The following EIF2AK1 variants were observed in gnomAD, a reference collection of about 807,000 sequenced individuals.
EIF2AK1 encodes eukaryotic translation initiation factor 2 alpha kinase 1.
Under a neutral mutation model 77.9 loss-of-function variants are expected in EIF2AK1, and 54 were observed. The ratio of observed to expected loss-of-function variants is 0.69; its 90% confidence interval spans 0.56 to 0.87. The LOEUF (loss-of-function observed/expected upper bound fraction) is 0.87, where lower values mean the gene tolerates loss of function less well. Ranked by LOEUF, EIF2AK1 falls within the 40% of genes least tolerant of loss-of-function variation. The pLI is 0.00. For synonymous variants in EIF2AK1, 314 were observed against 290.5 expected, an observed-to-expected ratio of 1.08 and a Z score of -0.82; for missense variants, 810 against 768.6, an observed-to-expected ratio of 1.05 and a Z score of -0.64.
Position 6,024,753 on chromosome 7 carries a change from C to T in EIF2AK1, c.1813G>A (p.Ala605Thr), listed in dbSNP as rs767534035. 12 of 1,592,308 alleles carry T rather than the reference C, an allele frequency of 7.5e-6. No individual in the cohort carries two copies. The Admixed American group carries it at 9.3e-5, about 12-fold the overall frequency. ...AGGTTTAGCTGCTTCTTTAGTTCTGCAATTTCTTTTTCTTGCTCTATTATC... is the reference window on the plus strand; with the variant it reads ...AGGTTTAGCTGCTTCTTTAGTTCTGTAATTTCTTTTTCTTGCTCTATTATC... ...MKIIEQEKEIAELKKQLNLLS... is the reference protein window; with the variant it reads ...MKIIEQEKEITELKKQLNLLS... The change falls in exon 15 of 15, where the codon GCA becomes ACA. Residue 605 changes from alanine (A) to threonine (T), a missense_variant. Coordinates refer to ENST00000199389, the MANE Select transcript of EIF2AK1 (RefSeq NM_014413.4).
chr7:6,035,330 A>G lies in EIF2AK1; in HGVS notation c.1332+2094T>C. The G allele has an allele frequency of 9.7e-7, 1 of 1,030,570 alleles. No individual in the cohort carries two copies. Among genetic ancestry groups the G allele is most frequent in the Middle Eastern group, 2.5e-4 (1 of 4,018 alleles). 63.8% of individuals were successfully genotyped at this position (1,030,570 alleles called of 1,614,324 possible). On this transcript the variant is annotated intron_variant, in intron 11 of 14. Transcript: ENST00000199389. The surrounding 1 kb of genome is among the most constrained non-coding windows in gnomAD (Gnocchi z 5.5). Reference sequence around the variant, plus strand: ...ATACAGATTTTGAAACACGTCCTTAAGGTAATTGAAGGGTCTTACTTTAAA... The same window carrying G: ...ATACAGATTTTGAAACACGTCCTTAGGGTAATTGAAGGGTCTTACTTTAAA...
chr7:6,030,505 G>C (rs979719950), intron 11 of EIF2AK1, among the ~76,000 whole-genome samples: 3 of 151,986 alleles, frequency 2.0e-5, no homozygotes, highest in African/African-American at 7.2e-5. Flanking sequence ...CGAAAAAACT[G>C]ATTTTTTTCT....
In EIF2AK1 at chr7:6,032,466, A is replaced by G. The variant is rs1787942851; in HGVS notation, c.1333-3434T>C. 6.6e-6 allele frequency among the ~76,000 whole-genome samples: 1 copy of G among 152,238 alleles called. No homozygotes were observed. The highest frequency in any genetic ancestry group is 2.1e-4 in the South Asian group (1 of 4,834). On this transcript the variant is annotated intron_variant, in intron 11 of 14. Coordinates refer to ENST00000199389, the MANE Select transcript of EIF2AK1 (RefSeq NM_014413.4). The surrounding 1 kb of genome is among the most constrained non-coding windows in gnomAD (Gnocchi z 4.3). ...CTGATAATACGACTTTGGCAACGAC[A>G]CAGCACCTACTTGTCCATCACCCTG... is the stretch of plus-strand genomic sequence containing the variant.
chr7:6,054,578 G>C lies in EIF2AK1; in HGVS notation c.245C>G (p.Pro82Arg), dbSNP rs1254755936. Residue 82 changes from proline (P) to arginine (R), a missense_variant, in exon 2 of 15, where the codon CCA becomes CGA. Physicochemically the swap from Pro to Arg is moderately radical, Grantham distance 103 (BLOSUM62 -2). Coordinates refer to ENST00000199389, the MANE Select transcript of EIF2AK1 (RefSeq NM_014413.4). Reference protein sequence around the residue: ...LLEHLSHVHEPNPLRSRQVFK... With the variant: ...LLEHLSHVHERNPLRSRQVFK... ...CACCTGTCTTGAACGAAGTGGGTTT[G>C]GTTCATGCACGTGGCTCAAGTGCTC... The C allele has an allele frequency of 2.5e-6, 4 of 1,613,978 alleles. No individual in the cohort carries two copies. In the Admixed American group the frequency reaches 6.7e-5, roughly 27 times the overall value.
At chr7:6,047,186 C>T (rs952234910) in intron 4 of EIF2AK1, 95 bp from the exon 5 acceptor site, 2 of 1,222,060 alleles carry the variant, frequency 1.6e-6, no homozygotes, top group Non-Finnish European at 2.4e-6. Flanking sequence ...CCTCACAAAC[C>T]TCATGTATCA....
chr7:6,049,973 C>T lies in EIF2AK1; in HGVS notation c.350G>A (p.Arg117Lys). The change falls in exon 3 of 15, where the codon AGA becomes AAA. Residue 117 changes from arginine to lysine, a missense_variant. This residue lies in a region of EIF2AK1 where 246 missense variants were observed against 199.0 expected (regional missense o/e 1.24). Transcript: ENST00000199389. The part of the protein sequence containing the change: ...FTCSDEFSSL[R>K]LHHNRAITHL... ...AGTAATAGCTCTGTTGTGATGTAGT[C>T]TCAATGAGCTAAACTCGTCACTACA... is the stretch of plus-strand genomic sequence containing the variant. The T allele has an allele frequency of 6.2e-7, 1 of 1,613,018 alleles. No individual in the cohort carries two copies. The highest frequency in any genetic ancestry group is 2.2e-5 in the East Asian group (1 of 44,864).
chr7:6,045,190 CACTTT>C (rs1788411849), intron 6 of EIF2AK1, among the ~76,000 whole-genome samples: 1 of 151,540 alleles, frequency 6.6e-6, no homozygotes, highest in African/African-American at 2.4e-5. Context: ...TCACTGCAAT[CACTTT>C]GCTGGGTTCA....
rs1326980391 is a variant in EIF2AK1 at position 6,046,169 on chromosome 7, A to C, written c.550-18T>G. The C allele has an allele frequency of 2.9e-6, 4 of 1,399,308 alleles. No homozygotes were observed. In the South Asian group the frequency reaches 5.3e-5, roughly 18 times the overall value. The allele number at this position is 1,399,308 out of a possible 1,614,324, so 86.7% of individuals were successfully genotyped here. On this transcript the variant is annotated intron_variant, in intron 5 of 14. Coordinates refer to ENST00000199389, the MANE Select transcript of EIF2AK1 (RefSeq NM_014413.4). Reference sequence around the variant, plus strand: ...TTCCTGACCTGAAAAGTAGAAAAAAAGACAAAGTATATTGTGTCATTAAAC... The same window carrying C: ...TTCCTGACCTGAAAAGTAGAAAAAACGACAAAGTATATTGTGTCATTAAAC...
chr7:6,040,362 T>C (rs74302792), intron 9 of EIF2AK1, among the ~76,000 whole-genome samples: 2 of 152,074 alleles, frequency 1.3e-5, no homozygotes, highest in African/African-American at 4.8e-5. Flanking sequence ...CTAATGTTCA[T>C]GTTTTTAATA....
At chr7:6,026,658 C>G in intron 14 of EIF2AK1, 70 bp downstream of exon 14, 2 of 1,300,286 alleles carry the variant, frequency 1.5e-6, no homozygotes, top group Non-Finnish European at 2.2e-6. Flanking sequence ...ACCACCCAAC[C>G]GCTTCCTTCC....
In EIF2AK1 at chr7:6,035,503, C is replaced by T; in HGVS notation, c.1332+1921G>A. On this transcript the variant is annotated intron_variant, in intron 11 of 14. Coordinates refer to ENST00000199389, the MANE Select transcript of EIF2AK1 (RefSeq NM_014413.4). The surrounding 1 kb of genome is among the most constrained non-coding windows in gnomAD (Gnocchi z 5.5). ...CTACTGCACTGGCCAGTCACTTCCA[C>T]CACGTGGGCAAAACCAGGCAACAGA... 1.3e-6 allele frequency: 2 copies of T among 1,551,168 alleles called. No homozygotes were observed. Among genetic ancestry groups the T allele is most frequent in the Non-Finnish European group, 8.7e-7 (1 of 1,147,120 alleles).
rs56142633 is a variant in EIF2AK1, at chr7:6,027,319, C to A, written c.1531-358G>T. Among the ~76,000 whole-genome samples the A allele has an allele frequency of 1.8e-4, 28 of 152,312 alleles. No individual in the cohort carries two copies. Among genetic ancestry groups the A allele is most frequent in the Non-Finnish European group, 3.1e-4 (21 of 68,030 alleles). On this transcript the variant is annotated intron_variant, in intron 13 of 14. Coordinates refer to ENST00000199389, the MANE Select transcript of EIF2AK1 (RefSeq NM_014413.4). The surrounding 1 kb of genome is among the most constrained non-coding windows in gnomAD (Gnocchi z 4.5). ...CAGCTGCGGGGGAGCCACAGAAGGT[C>A]GCGGGTTCTCCTCCGGTCTCACCTC...
Position 6,041,009 on chromosome 7 carries a change from A to G in EIF2AK1, c.1002T>C (p.Ser334=). Residue 334 remains serine (S), a synonymous_variant, in exon 9 of 15, where the codon TCT becomes TCC. Coordinates refer to ENST00000199389, the MANE Select transcript of EIF2AK1 (RefSeq NM_014413.4). ...ELQENGLAGL[S]ASSIVEQQLP... The stretch of plus-strand genomic sequence containing the variant: ...GCTGCTGTTCCACAATTGAACTGGC[A>G]GACAAACCAGCCAAGCCATTTTCCT... 1 of 1,614,228 alleles carries G rather than the reference A, an allele frequency of 6.2e-7. No homozygotes were observed. The highest frequency in any genetic ancestry group is 8.5e-7 in the Non-Finnish European group (1 of 1,180,040).
Position 6,058,949 on chromosome 7 carries a change from G to A in EIF2AK1, c.118+17C>T. On this transcript the variant is annotated intron_variant, in intron 1 of 14. Coordinates refer to ENST00000199389, the MANE Select transcript of EIF2AK1 (RefSeq NM_014413.4). The stretch of plus-strand genomic sequence containing the variant: ...ACAGAGAGAGCAGAGCGGCGACGCC[G>A]CGATCCGATCCCTCACCGTCATATT... The A allele has an allele frequency of 6.6e-7, 1 of 1,510,402 alleles. No individual in the cohort carries two copies. Among genetic ancestry groups the A allele is most frequent in the African/African-American group, 1.4e-5 (1 of 69,198 alleles). 93.6% of individuals were successfully genotyped at this position (1,510,402 alleles called of 1,614,324 possible). A position where few individuals can be genotyped will look rare whatever the true frequency, so the allele number is the denominator to read the frequency against.
At chr7:6,054,476 T>C in intron 2 of EIF2AK1, 70 bp downstream of exon 2, 1 of 1,565,192 alleles carries the variant, frequency 6.4e-7, no homozygotes, top group African/African-American at 1.4e-5. Context: ...AGTGCTGGGA[T>C]TACAGGCATG....
chr7:6,028,848 T>C, intron 12 of EIF2AK1, 70 bp downstream of exon 12: 1 of 1,475,816 alleles, frequency 6.8e-7, no homozygotes, highest in Non-Finnish European at 9.4e-7. Flanking sequence ...TATGATTCTC[T>C]TTAAATACTA....
At chr7:6,042,221 C>G (rs1330355112) in intron 8 of EIF2AK1, among the ~76,000 whole-genome samples, 1 of 150,580 alleles carries the variant, frequency 6.6e-6, no homozygotes, top group African/African-American at 2.4e-5. Flanking sequence ...GAGGCCAAGG[C>G]AGGCAGATCA....
At chr7:6,026,601 G>A (rs762919272) in intron 14 of EIF2AK1, 127 bp downstream of exon 14, 16 of 771,836 alleles carry the variant, frequency 2.1e-5, no homozygotes, top group Admixed American at 4.0e-5. Flanking sequence ...AACAGGCCCC[G>A]CCTCCAGAAC....
rs1055912499 is a variant in EIF2AK1 at position 6,023,185 on chromosome 7, A to G, written c.*1488T>C. 1.6e-6 allele frequency: 2 copies of G among 1,236,454 alleles called. No homozygotes were observed. The highest frequency in any genetic ancestry group is 1.5e-5 in the African/African-American group (1 of 66,348). 76.6% of individuals were successfully genotyped at this position (1,236,454 alleles called of 1,614,324 possible). A position where few individuals can be genotyped will look rare whatever the true frequency, so the allele number is the denominator to read the frequency against. ...CTGAAAATGTGATGTTCTTCTTGAAAACACCCTTTCCCATGTCATCAGTCT... is the reference window on the plus strand; with the variant it reads ...CTGAAAATGTGATGTTCTTCTTGAAGACACCCTTTCCCATGTCATCAGTCT... On this transcript the variant is annotated 3_prime_UTR_variant, in exon 15 of 15. Transcript: ENST00000199389.
Sources: gnomAD v4.1 joint callset for allele counts (sites outside exome capture counted in the v4.1 genomes callset) on GRCh38, gnomAD v4.1.1 for gene constraint, gnomAD v4.1.1 regional missense constraint, Gnocchi (gnomAD v3.1) non-coding constraint, MANE v1.5 for transcripts, NCBI Gene and HGNC (gene_info 2026-07-23, HGNC 2026-07-21) for gene names.